The following APC variants were observed in gnomAD, a reference collection of about 807,000 sequenced individuals.
APC encodes adenomatous polyposis coli protein.
A neutral mutation model predicts 247.0 loss-of-function variants in APC; 72 were observed. That is an observed-to-expected ratio of 0.29 (90% CI 0.24 to 0.35). The LOEUF (loss-of-function observed/expected upper bound fraction) is 0.35. Among genes scored for constraint, APC ranks in the 10% least tolerant of loss-of-function variants. The pLI is 1.00. For missense variants in APC, 3,400 were observed against 3,360.7 expected, an observed-to-expected ratio of 1.01 and a Z score of -0.29; for synonymous variants, 1,254 against 1,162.5, an observed-to-expected ratio of 1.08 and a Z score of -1.60.
intron 8 of APC, among the ~76,000 whole-genome samples, chr5:112,813,463 G>A (rs184429742): frequency 1.4e-4 from 21 of 152,124 alleles, no homozygotes; most frequent in African/African-American, 4.6e-4. Context: ...AATTTATTAC[G>A]AATTCAGAAA....
intron 8 of APC, among the ~76,000 whole-genome samples, chr5:112,814,702 T>C (rs1023961072): frequency 6.6e-6 from 1 of 152,220 alleles, no homozygotes; most frequent in Admixed American, 6.5e-5. Flanking sequence ...ACCATTCTCC[T>C]GCCTGAAGTC....
At position 112,766,347 on chromosome 5, in the gene APC, G is replaced by A. The variant is rs1191165645; in HGVS notation, c.157G>A (p.Gly53Arg). 6.2e-7 allele frequency: 1 copy of A among 1,609,100 alleles called. No homozygotes were observed. The highest frequency in any genetic ancestry group is 1.7e-5 in the Admixed American group (1 of 60,000). ...NMKEVLKQLQ[G>R]SIEDEAMASS... ...ACAGGAAGTACTTAAACAACTACAA[G>A]GAAGTATTGAAGATGAAGCTATGGC... Residue 53 changes from glycine to arginine, a missense_variant, in exon 3 of 16, where the codon GGA becomes AGA. Physicochemically the swap from Gly to Arg is moderately radical, Grantham distance 125. Transcript: ENST00000257430.
upstream of APC, among the ~76,000 whole-genome samples, chr5:112,737,311 A>G (rs75581138): frequency 6.6e-6 from 1 of 152,108 alleles, no homozygotes; most frequent in African/African-American, 2.4e-5. Flanking sequence ...TAAAGCTTCA[A>G]CTCAGGCAAC....
chr5:112,722,648 A>C (rs1176087214), intron 1 of APC, among the ~76,000 whole-genome samples: 1 of 152,006 alleles, frequency 6.6e-6, no homozygotes, highest in Non-Finnish European at 1.5e-5. Context: ...GAGTCGATTA[A>C]TTTGCTGGAG....
At position 112,794,057 on chromosome 5, in the gene APC, G is replaced by A. The variant is rs66964065; in HGVS notation, c.729+1528G>A. Reference sequence around the variant, plus strand: ...CTAAGTCTCTTAAAAAAAAAAAAAAGGTAGGATGATCTAGCTGGGTTGTTT... The same window carrying A: ...CTAAGTCTCTTAAAAAAAAAAAAAAAGTAGGATGATCTAGCTGGGTTGTTT... On this transcript the variant is annotated intron_variant, in intron 7 of 15. Transcript: ENST00000257430. Among the ~76,000 whole-genome samples the A allele has an allele frequency of 0.017, 440 of 25,148 alleles. 2 individuals are homozygous for A. The highest frequency in any genetic ancestry group is 0.034 in the African/African-American group (338 of 9,976). The allele number at this position is 25,148 out of a possible 152,430, so 16.5% of individuals were successfully genotyped here. A position where few individuals can be genotyped will look rare whatever the true frequency, so the allele number is the denominator to read the frequency against.
intron 15 of APC, among the ~76,000 whole-genome samples, chr5:112,836,802 G>A (rs1764993685): frequency 6.6e-6 from 1 of 151,924 alleles, no homozygotes; most frequent in East Asian, 1.9e-4. Flanking sequence ...TGCCTCCCAA[G>A]TGATTCTCCT....
chr5:112,784,863 C>T (rs1419437362), intron 6 of APC, among the ~76,000 whole-genome samples: 2 of 152,164 alleles, frequency 1.3e-5, no homozygotes, highest in African/African-American at 2.4e-5. Context: ...TGAAATAGCT[C>T]AGGCCTGTAA....
chr5:112,825,146 C>G (rs149811924), intron 11 of APC, among the ~76,000 whole-genome samples: 2 of 152,316 alleles, frequency 1.3e-5, no homozygotes, highest in East Asian at 3.9e-4. Flanking sequence ...TCTTGGAAAT[C>G]ATTCACGATG....
At chr5:112,709,023 C>T (rs971084917) in intron 1 of APC, among the ~76,000 whole-genome samples, 6 of 152,116 alleles carry the variant, frequency 3.9e-5, no homozygotes, top group Non-Finnish European at 8.8e-5. Flanking sequence ...GGTTGGATAA[C>T]GTGTCAAGAG....
upstream of APC, among the ~76,000 whole-genome samples, chr5:112,734,797 T>TG (rs1219546662): frequency 4.6e-5 from 7 of 151,116 alleles, no homozygotes; most frequent in Admixed American, 2.6e-4. Context: ...GTGTGTGTTT[T>TG]TTTTTTTTTT....
At chr5:112,782,424 T>C (rs886474047) in intron 6 of APC, among the ~76,000 whole-genome samples, 3 of 152,118 alleles carry the variant, frequency 2.0e-5, no homozygotes, top group Non-Finnish European at 4.4e-5. Flanking sequence ...TTTTGGAGTA[T>C]GGTGGAAGGC....
rs1765648182 is a variant in APC at position 112,839,910 on chromosome 5, C to G, written c.4316C>G (p.Pro1439Arg). The change falls in exon 16 of 16, where the codon CCT (proline) becomes CGT (arginine). Residue 1439 changes from proline to arginine, a missense_variant. By Grantham distance (103) the Pro-to-Arg change is moderately radical. Around this residue, in one of 9 missense-constraint regions of APC, gnomAD observed 1,788 missense variants for 1,649.5 expected, o/e 1.08. Coordinates refer to ENST00000257430, the MANE Select transcript of APC (RefSeq NM_000038.6). The surrounding 1 kb of genome is among the most constrained non-coding windows in gnomAD (Gnocchi z 5.0). ...ATGCCACCAAGCAGAAGTAAAACAC[C>G]TCCACCACCTCCTCAAACAGCTCAA... The part of the protein sequence containing the change: ...QTMPPSRSKT[P>R]PPPPQTAQTK... 1.2e-6 allele frequency: 2 copies of G among 1,613,896 alleles called. No individual in the cohort carries two copies. The highest frequency in any genetic ancestry group is 2.2e-5 in the East Asian group (1 of 44,894).
intron 1 of APC, among the ~76,000 whole-genome samples, chr5:112,716,082 G>T (rs1751154950): frequency 6.6e-6 from 1 of 151,968 alleles, no homozygotes; most frequent in South Asian, 2.1e-4. Flanking sequence ...CTAGTCTGTT[G>T]TATGTTTATT....
intron 12 of APC, 90 bp from the exon 13 acceptor site, chr5:112,827,839 G>A: frequency 9.6e-7 from 1 of 1,040,370 alleles, no homozygotes; most frequent in Non-Finnish European, 1.5e-6. Context: ...ACAAAATAAT[G>A]AAAACTGAAT....
At chr5:112,765,437 C>T (rs1257734992) in intron 2 of APC, among the ~76,000 whole-genome samples, 1 of 152,176 alleles carries the variant, frequency 6.6e-6, no homozygotes, top group Non-Finnish European at 1.5e-5. Flanking sequence ...CAAGATAAAT[C>T]AGTGAAACCG....
rs1766330352 is a variant in APC, at chr5:112,842,500, A to T, written c.6906A>T (p.Ser2302=). Reference sequence around the variant, plus strand: ...GGTCAAGTAAAGCACCTTCTAGATCAGGATCTAGAGATTCGACCCCTTCAA... The same window carrying T: ...GGTCAAGTAAAGCACCTTCTAGATCTGGATCTAGAGATTCGACCCCTTCAA... ...IGGSSKAPSR[S]GSRDSTPSRP... is the part of the protein sequence containing the mutation. The change falls in exon 16 of 16, where the codon TCA becomes TCT. Residue 2302 remains serine, a synonymous_variant. Transcript: ENST00000257430. 2 of 1,613,976 alleles carry T rather than the reference A, an allele frequency of 1.2e-6. No individual in the cohort carries two copies. Among genetic ancestry groups the T allele is most frequent in the South Asian group, 2.2e-5 (2 of 91,078 alleles).
intron 11 of APC, among the ~76,000 whole-genome samples, chr5:112,825,435 T>C (rs961981828): frequency 6.6e-6 from 1 of 152,244 alleles, no homozygotes; most frequent in Admixed American, 6.5e-5. Flanking sequence ...TCTACCCATG[T>C]TTATAGCCTC....
At chr5:112,808,048 G>A (rs144321132) in intron 8 of APC, among the ~76,000 whole-genome samples, 4 of 152,062 alleles carry the variant, frequency 2.6e-5, no homozygotes, top group East Asian at 1.9e-4. Flanking sequence ...CCAGCTACTC[G>A]GGAAGCTGAG....
In APC at chr5:112,808,622, G is replaced by C. The variant is rs1371763313; in HGVS notation, c.835-6873G>C. Among the ~76,000 whole-genome samples the C allele has an allele frequency of 3.9e-5, 6 of 152,004 alleles. No homozygotes were observed. The East Asian group carries it at 1.2e-3, about 29-fold the overall frequency. On this transcript the variant is annotated intron_variant, in intron 8 of 15. Coordinates refer to ENST00000257430, the MANE Select transcript of APC (RefSeq NM_000038.6). ...AGGCCTCCCTCTGTTCCCCAGGCTG[G>C]TCTTGAACTCAAACTGATCTCAAGC...
Sources: allele counts gnomAD v4.1 joint callset (sites outside exome capture counted in the v4.1 genomes callset), GRCh38; gene constraint gnomAD v4.1.1; regional missense constraint gnomAD v4.1.1; non-coding constraint Gnocchi (gnomAD v3.1); transcripts MANE v1.5; gene names NCBI Gene and HGNC (gene_info 2026-07-23, HGNC 2026-07-21).